MID1: variants seen among roughly 807,000 people sequenced by gnomAD.
MID1 encodes midline 1, also known as E3 ubiquitin-protein ligase Midline-1.
Under a neutral mutation model 40.4 loss-of-function variants are expected in MID1, and 7 were observed. That is an observed-to-expected ratio of 0.17 (90% CI 0.10 to 0.33). MID1 has a LOEUF of 0.33. Ranked by LOEUF, MID1 falls within the 10% of genes least tolerant of loss-of-function variation. MID1 has a pLI of 1.00. For missense variants in MID1, 367 were observed against 558.5 expected (o/e 0.66, Z 3.46); for synonymous variants, 229 against 221.2 (o/e 1.04, Z -0.31).
At chrX:10,693,052 C>T (rs2043140677) in intron 1 of MID1, among the ~76,000 whole-genome samples, 1 of 111,710 alleles carries the variant, frequency 9.0e-6, no homozygotes, top group Non-Finnish European at 1.9e-5. Flanking sequence ...AAGTAGTTTA[C>T]ATATTCCATT....
chrX:10,684,408 C>CT (rs749267236), intron 1 of MID1, among the ~76,000 whole-genome samples: 13,657 of 92,204 alleles, frequency 0.15, 1,959 homozygotes, highest in African/African-American at 0.41. Flanking sequence ...TCTTTCTTTT[C>CT]TTTTTTTTTT....
At chrX:10,702,480 A>G (rs1379687043) in intron 1 of MID1, among the ~76,000 whole-genome samples, 2 of 112,542 alleles carry the variant, frequency 1.8e-5, no homozygotes, top group Non-Finnish European at 3.7e-5. Flanking sequence ...CTGTGTGAAA[A>G]GTTCCTTAAA....
intron 3 of MID1, among the ~76,000 whole-genome samples, chrX:10,509,765 T>G (rs940988229): frequency 4.5e-5 from 5 of 112,286 alleles, no homozygotes; most frequent in Non-Finnish European, 9.4e-5. Context: ...TTATCGGACA[T>G]GCTGATCTAT....
chrX:10,674,476 C>A (rs2043008548), intron 1 of MID1, among the ~76,000 whole-genome samples: 1 of 111,840 alleles, frequency 8.9e-6, no homozygotes, highest in African/African-American at 3.3e-5. Context: ...ATGAGTGACA[C>A]CCAAGCACTC....
At chrX:10,765,937 GGAAAGGAAAGAAAGAAAGAAA>G (rs1167038447) in intron 1 of MID1, among the ~76,000 whole-genome samples, 29 of 72,189 alleles carry the variant, frequency 4.0e-4, no homozygotes, top group African/African-American at 1.3e-3. Context: ...GGAAAGGAAA[GGAAAGGAAAGAAAGAAAGAAA>G]GAAAGAAAGA....
chrX:10,698,495 C>T (rs964439179), intron 1 of MID1, among the ~76,000 whole-genome samples: 5 of 111,128 alleles, frequency 4.5e-5, no homozygotes, highest in Non-Finnish European at 7.5e-5. Flanking sequence ...TAGGCTGAAT[C>T]TATATGGGCA....
At chrX:10,518,446 AGCTAT>A (rs1433552958) in intron 3 of MID1, among the ~76,000 whole-genome samples, 2 of 111,771 alleles carry the variant, frequency 1.8e-5, no homozygotes, top group Non-Finnish European at 3.8e-5. Context: ...TATCCAAATT[AGCTAT>A]GCTAGTCTGG....
At chrX:10,727,608 T>A (rs1311538792) in intron 1 of MID1, among the ~76,000 whole-genome samples, 3 of 111,750 alleles carry the variant, frequency 2.7e-5, no homozygotes, top group Non-Finnish European at 5.6e-5. Context: ...CAAAGTGTGG[T>A]CCCTGAACCA....
At chrX:10,819,239 G>C (rs1205860091) in intron 1 of MID1, among the ~76,000 whole-genome samples, 3 of 111,494 alleles carry the variant, frequency 2.7e-5, no homozygotes, top group South Asian at 3.8e-4. Flanking sequence ...GAGAGAGAGA[G>C]AGAGAGAGAA....
intron 3 of MID1, among the ~76,000 whole-genome samples, chrX:10,496,696 C>T (rs1931271701): frequency 8.9e-6 from 1 of 112,237 alleles, no homozygotes; most frequent in Admixed American, 9.4e-5. Context: ...TAATTTCATT[C>T]TCTATGAATG....
At chrX:10,745,210 A>G (rs923926328) in intron 1 of MID1, among the ~76,000 whole-genome samples, 1 of 113,035 alleles carries the variant, frequency 8.8e-6, no homozygotes, top group Non-Finnish European at 1.9e-5. Flanking sequence ...ATGTAAATGC[A>G]GTACAGTGCC....
intron 1 of MID1, among the ~76,000 whole-genome samples, chrX:10,727,690 C>T (rs1017113600): frequency 9.0e-6 from 1 of 111,370 alleles, no homozygotes; most frequent in African/African-American, 3.3e-5. Context: ...CTCTAACTGA[C>T]TTCTACTGAA....
chrX:10,502,964 A>G (rs780602030), intron 3 of MID1, among the ~76,000 whole-genome samples: 9 of 112,066 alleles, frequency 8.0e-5, no homozygotes, highest in Non-Finnish European at 1.3e-4. Context: ...TCTCACTCCA[A>G]AGGAAAAACA....
chrX:10,497,549 C>T (rs1018906708), intron 3 of MID1, among the ~76,000 whole-genome samples: 1 of 111,653 alleles, frequency 9.0e-6, no homozygotes, highest in Non-Finnish European at 1.9e-5. Context: ...CCTGATGTTT[C>T]CTCTTAGTAA....
intron 6 of MID1, 88 bp from the exon 7 acceptor site, chrX:10,469,928 C>CTTGAG: frequency 2.2e-6 from 2 of 892,933 alleles, no homozygotes; most frequent in Non-Finnish European, 3.2e-6. Flanking sequence ...TAAGCAGGTC[C>CTTGAG]TTCTCAATAG....
At chrX:10,753,754 C>T (rs900926184) in intron 1 of MID1, among the ~76,000 whole-genome samples, 24 of 111,862 alleles carry the variant, frequency 2.1e-4, no homozygotes, top group Non-Finnish European at 3.6e-4. Flanking sequence ...ATTTTTATAT[C>T]GTGTCCCCAA....
At chrX:10,789,636 C>T (rs754474939) in intron 1 of MID1, among the ~76,000 whole-genome samples, 1 of 112,341 alleles carries the variant, frequency 8.9e-6, no homozygotes, top group African/African-American at 3.2e-5. Flanking sequence ...TGTAAGTTCA[C>T]TCTATGTTCG....
At chrX:10,496,309 A>G in intron 3 of MID1, among the ~76,000 whole-genome samples, 1 of 112,660 alleles carries the variant, frequency 8.9e-6, no homozygotes, top group Middle Eastern at 4.6e-3. Flanking sequence ...TGAAAGATCA[A>G]GGTTCTACAA....
At chrX:10,517,681 A>G (rs150490297) in intron 3 of MID1, among the ~76,000 whole-genome samples, 1,723 of 112,090 alleles carry the variant, frequency 0.015, 13 homozygotes, top group Non-Finnish European at 0.025. Context: ...TTTCTCCAGA[A>G]TGAACTACTT....
Sources: allele counts gnomAD v4.1 joint callset (sites outside exome capture counted in the v4.1 genomes callset), GRCh38; gene constraint gnomAD v4.1.1; transcripts MANE v1.5; gene names NCBI Gene and HGNC (gene_info 2026-07-23, HGNC 2026-07-21).